The following JAG1 variants were observed in gnomAD, a reference collection of about 807,000 sequenced individuals.
JAG1 encodes the protein protein jagged-1.
A neutral mutation model predicts 148.7 loss-of-function variants in JAG1; 23 were observed. The observed-to-expected ratio is 0.15, with a 90% CI of 0.11 to 0.22. The LOEUF is 0.22. Among genes scored for constraint, JAG1 ranks in the 10% least tolerant of loss-of-function variants. The pLI is 1.00. For synonymous variants in JAG1, 572 were observed against 598.3 expected, an observed-to-expected ratio of 0.96 and a Z score of 0.64; for missense variants, 1,054 against 1,611.2, an observed-to-expected ratio of 0.65 and a Z score of 5.92.
At chr20:10,662,207 T>C (rs1438125505) in intron 3 of JAG1, 1 of 152,154 alleles carries the variant, frequency 6.6e-6, no homozygotes, top group African/African-American at 2.4e-5. Flanking sequence ...CCTACCTCAG[T>C]CTTTCTTGTC....
chr20:10,641,266 CA>C (rs752570967), intron 23 of JAG1, 22 bp from the exon 24 acceptor site: 73 of 1,612,594 alleles, frequency 4.5e-5, no homozygotes, highest in Non-Finnish European at 6.0e-5. Flanking sequence ...TTTAAAAACC[CA>C]CACACGTGTA....
rs772228887 is a variant in JAG1, at chr20:10,640,885, C to T, written c.3097G>A (p.Asp1033Asn). 8.7e-6 allele frequency: 14 copies of T among 1,613,884 alleles called. No homozygotes were observed. Among genetic ancestry groups the T allele is most frequent in the Non-Finnish European group, 1.2e-5 (14 of 1,179,894 alleles). Residue 1033 changes from aspartate to asparagine, a missense_variant, in exon 25 of 26, where the codon GAC becomes AAC. Asp to Asn is a conservative substitution (Grantham distance 23, BLOSUM62 1). Transcript: ENST00000254958. Reference protein sequence around the residue: ...DDGNPIKEITDKIIDLVSKRD... With the variant: ...DDGNPIKEITNKIIDLVSKRD... Reference sequence around the variant, plus strand: ...TTACTAACAAGATCGATTATTTTGTCAGTGATTTCCTTGATCGGGTTCCCA... The same window carrying T: ...TTACTAACAAGATCGATTATTTTGTTAGTGATTTCCTTGATCGGGTTCCCA...
chr20:10,667,674 C>G (rs1246730488), intron 2 of JAG1, among the ~76,000 whole-genome samples: 1 of 152,152 alleles, frequency 6.6e-6, no homozygotes, highest in South Asian at 2.1e-4. Context: ...AGAGTCCGAT[C>G]TGGTTACAAA....
chr20:10,644,501 A>C lies in JAG1; in HGVS notation c.2345-117T>G, dbSNP rs377720947. ...AAATGATAAAGTCGTAGTTAACACC[A>C]GCAAAATACCTTTGCTAAATTGGAA... On this transcript the variant is annotated intron_variant, in intron 18 of 25. Transcript: ENST00000254958. The C allele has an allele frequency of 2.7e-5, 22 of 811,726 alleles. No homozygotes were observed. The African/African-American group carries it at 3.4e-4, about 12-fold the overall frequency. The allele number at this position is 811,726 out of a possible 1,614,324, so 50.3% of individuals were successfully genotyped here.
chr20:10,646,490 T>C (rs1363385445), intron 14 of JAG1: 2 of 358,832 alleles, frequency 5.6e-6, no homozygotes, highest in African/African-American at 4.2e-5. Context: ...CTCCCCAGCC[T>C]TACTGTTTCT....
chr20:10,673,134 A>G lies in JAG1; in HGVS notation c.82-128T>C. ...CGCCGAGTGAAAATAATTTTGCGAA[A>G]CTACGTTCAAGGACTCAACATGATT... On this transcript the variant is annotated intron_variant, in intron 1 of 25. Transcript: ENST00000254958. This position sits in a 1 kb window ranked among gnomAD's most constrained non-coding sequence, Gnocchi z 4.7. The G allele has an allele frequency of 1.1e-6, 1 of 882,822 alleles. No homozygotes were observed. The highest frequency in any genetic ancestry group is 1.8e-6 in the Non-Finnish European group (1 of 552,560). 54.7% of individuals were successfully genotyped at this position (882,822 alleles called of 1,614,324 possible). A position where few individuals can be genotyped will look rare whatever the true frequency, so the allele number is the denominator to read the frequency against.
At chr20:10,650,209 C>T (rs1300756709) in intron 9 of JAG1, 38 bp downstream of exon 9, 2 of 1,377,370 alleles carry the variant, frequency 1.5e-6, no homozygotes, top group Non-Finnish European at 2.1e-6. Flanking sequence ...TCAAAGCCAA[C>T]CTTGGTATAA....
rs1342875720 is a variant in JAG1 at position 10,658,778 on chromosome 20, C to T, written c.440-56G>A. On this transcript the variant is annotated intron_variant, in intron 3 of 25. Coordinates refer to ENST00000254958, the MANE Select transcript of JAG1 (RefSeq NM_000214.3). ...TTCACATTGCAGCCTTCTTCCCTGA[C>T]CATTTTGGCTTTTTAAAATAAAAAC... is the stretch of plus-strand genomic sequence containing the variant. 3.1e-6 allele frequency: 5 copies of T among 1,600,996 alleles called. No homozygotes were observed. In the East Asian group the frequency reaches 6.7e-5, roughly 21 times the overall value.
chr20:10,642,433 G>T, intron 21 of JAG1, 55 bp downstream of exon 21: 1 of 1,030,618 alleles, frequency 9.7e-7, no homozygotes, highest in Non-Finnish European at 1.5e-6. Context: ...AATGGTGACT[G>T]CAAAGCTCGC....
chr20:10,662,757 C>T (rs984234516), intron 3 of JAG1, among the ~76,000 whole-genome samples: 1 of 152,142 alleles, frequency 6.6e-6, no homozygotes, highest in Non-Finnish European at 1.5e-5. Flanking sequence ...CACACCCCCC[C>T]ACGGCATTAC....
Position 10,647,956 on chromosome 20 carries a change from G to A in JAG1, c.1720+4C>T, listed in dbSNP as rs966288638. On this transcript the variant is annotated splice_donor_region_variant and intron_variant, in intron 13 of 25. Transcript: ENST00000254958. ...ACAGCCAGGTCCCGGGAGAAGGGAG[G>A]TACCTTCACAGGGGGTCGTGCGGCA... 1.2e-6 allele frequency: 2 copies of A among 1,613,966 alleles called. No individual in the cohort carries two copies. Among genetic ancestry groups the A allele is most frequent in the African/African-American group, 2.7e-5 (2 of 74,938 alleles).
chr20:10,660,582 T>G (rs1024332680), intron 3 of JAG1, among the ~76,000 whole-genome samples: 1 of 152,192 alleles, frequency 6.6e-6, no homozygotes, highest in African/African-American at 2.4e-5. Context: ...GACTGATATG[T>G]ACTTTTCAGT....
At chr20:10,643,671 CTACT>C (rs2067288455) in intron 20 of JAG1, 103 bp downstream of exon 20, 4 of 848,196 alleles carry the variant, frequency 4.7e-6, no homozygotes, top group Non-Finnish European at 5.9e-6. Flanking sequence ...TCTATGAGAG[CTACT>C]TAAAGGGAAT....
chr20:10,667,384 A>AG (rs1392044320), intron 2 of JAG1, among the ~76,000 whole-genome samples: 1 of 152,060 alleles, frequency 6.6e-6, no homozygotes, highest in Non-Finnish European at 1.5e-5. Context: ...ATTTTTGGAG[A>AG]GGCCCTATTA....
chr20:10,643,275 G>C (rs1003695363), intron 20 of JAG1, among the ~76,000 whole-genome samples: 1 of 152,148 alleles, frequency 6.6e-6, no homozygotes, highest in East Asian at 1.9e-4. Flanking sequence ...TAGAGAAAAG[G>C]CTCAAAATAA....
At chr20:10,650,482 A>T (rs1034668112) in intron 8 of JAG1, 122 bp from the exon 9 acceptor site, 1 of 701,786 alleles carries the variant, frequency 1.4e-6, no homozygotes, top group Non-Finnish European at 2.6e-6. Context: ...GCTACAAGGA[A>T]AGCTACAGCA....
chr20:10,644,065 G>A (rs753908672), intron 19 of JAG1, among the ~76,000 whole-genome samples: 78 of 152,106 alleles, frequency 5.1e-4, no homozygotes, highest in Non-Finnish European at 7.2e-4. Context: ...CCCAGGCAGC[G>A]GGATTTTTAA....
chr20:10,663,895 C>G, intron 3 of JAG1, 68 bp downstream of exon 3: 1 of 1,245,924 alleles, frequency 8.0e-7, no homozygotes, highest in Non-Finnish European at 1.2e-6. Flanking sequence ...AGATCCAGCT[C>G]CAACTGGTTG....
At chr20:10,648,986 C>G in intron 11 of JAG1, 75 bp downstream of exon 11, 1 of 1,225,486 alleles carries the variant, frequency 8.2e-7, no homozygotes, top group Non-Finnish European at 1.2e-6. Context: ...AGGGACAGAG[C>G]TCTCCTAGTG....
Sources: gnomAD v4.1 joint callset for allele counts (sites outside exome capture counted in the v4.1 genomes callset) on GRCh38, gnomAD v4.1.1 for gene constraint, Gnocchi (gnomAD v3.1) non-coding constraint, MANE v1.5 for transcripts, NCBI Gene and HGNC (gene_info 2026-07-23, HGNC 2026-07-21) for gene names.